The following CDH11 variants were observed in gnomAD, a reference collection of about 807,000 sequenced individuals.
The protein encoded by CDH11 is cadherin-11.
A neutral mutation model predicts 67.8 loss-of-function variants in CDH11; 11 were observed. The observed-to-expected ratio is 0.16, with a 90% CI of 0.10 to 0.27. The LOEUF (loss-of-function observed/expected upper bound fraction) is 0.27. Among genes scored for constraint, CDH11 ranks in the 10% least tolerant of loss-of-function variants. CDH11 has a pLI of 1.00. For synonymous variants in CDH11, 419 were observed against 400.0 expected (o/e 1.05, Z -0.57); for missense variants, 847 against 1,031.2 (o/e 0.82, Z 2.45).
intron 8 of CDH11, 168 bp downstream of exon 8, chr16:64,981,880 G>A: frequency 1.7e-6 from 1 of 587,064 alleles, no homozygotes; most frequent in East Asian, 2.9e-5. Flanking sequence ...AGGAACAGAG[G>A]TGAAGGGAAG....
rs3046001 is a variant in CDH11, at chr16:64,945,301, TA to T, written c.*2301del. 0.09 allele frequency: 34,600 copies of T among 384,942 alleles called. 307 individuals carry two copies. The highest frequency in any genetic ancestry group is 0.1 in the Non-Finnish European group (29,374 of 287,122). The allele number at this position is 384,942 out of a possible 1,614,324, so 23.8% of individuals were successfully genotyped here. On this transcript the variant is annotated 3_prime_UTR_variant, in exon 13 of 13. Coordinates refer to ENST00000268603, the MANE Select transcript of CDH11 (RefSeq NM_001797.4). ...AGAGGCTTAACGAAAAAATAAAAGG[TA>T]AAAAAAAAAAAAAAAAAGAAAAAGA...
At chr16:65,110,984 T>C (rs1173220816) in intron 1 of CDH11, among the ~76,000 whole-genome samples, 2 of 152,200 alleles carry the variant, frequency 1.3e-5, no homozygotes, top group African/African-American at 4.8e-5. Context: ...ATATATCATA[T>C]GGTTTAACAA....
intron 1 of CDH11, among the ~76,000 whole-genome samples, chr16:65,071,709 G>T (rs986061342): frequency 6.6e-6 from 1 of 152,148 alleles, no homozygotes; most frequent in Non-Finnish European, 1.5e-5. Flanking sequence ...CCTGACATGC[G>T]GATCAACAGT....
intron 6 of CDH11, among the ~76,000 whole-genome samples, chr16:64,990,263 C>T (rs1284080662): frequency 1.3e-5 from 2 of 152,128 alleles, no homozygotes; most frequent in Non-Finnish European, 2.9e-5. Context: ...GAGCATGCAG[C>T]TCTTTGAATG....
At chr16:65,046,920 C>T (rs961418593) in intron 2 of CDH11, among the ~76,000 whole-genome samples, 6 of 152,192 alleles carry the variant, frequency 3.9e-5, no homozygotes, top group East Asian at 3.9e-4. Context: ...CCAGCCTGGC[C>T]GATGTAGCAA....
chr16:65,066,884 C>T (rs1597152759), intron 1 of CDH11, among the ~76,000 whole-genome samples: 2 of 152,194 alleles, frequency 1.3e-5, no homozygotes, highest in East Asian at 3.9e-4. Flanking sequence ...GAGACCTGGA[C>T]TTAAAGTTTG....
intron 8 of CDH11, among the ~76,000 whole-genome samples, chr16:64,975,530 C>T (rs1238182709): frequency 6.6e-6 from 1 of 151,934 alleles, no homozygotes; most frequent in Non-Finnish European, 1.5e-5. Context: ...TGATGAAAGC[C>T]CAAGTAGGAT....
chr16:65,010,327 T>C (rs531383989), intron 2 of CDH11, among the ~76,000 whole-genome samples: 6 of 152,296 alleles, frequency 3.9e-5, no homozygotes, highest in Admixed American at 1.3e-4. Context: ...AATTCAAGCA[T>C]ATTTTATTCC....
chr16:65,042,344 G>A (rs1454406519), intron 2 of CDH11, among the ~76,000 whole-genome samples: 1 of 152,202 alleles, frequency 6.6e-6, no homozygotes, highest in African/African-American at 2.4e-5. Flanking sequence ...AATGACTACA[G>A]GGTGGGTGGA....
chr16:65,090,839 T>A (rs1382459048), intron 1 of CDH11, among the ~76,000 whole-genome samples: 1 of 152,228 alleles, frequency 6.6e-6, no homozygotes, highest in Non-Finnish European at 1.5e-5. Flanking sequence ...CAGAAACAGA[T>A]GGAAACTAGA....
chr16:65,010,971 T>TATATATATATATGTGTTTA (rs1567526784), intron 2 of CDH11, among the ~76,000 whole-genome samples: 9 of 127,928 alleles, frequency 7.0e-5, no homozygotes, highest in Non-Finnish European at 1.3e-4. Context: ...ATATATGTGT[T>TATATATATATATGTGTTTA]TATATATATA....
Position 64,954,948 on chromosome 16 carries a change from T to TAA in CDH11, c.1643-3932_1643-3931dup, listed in dbSNP as rs71143536. On this transcript the variant is annotated intron_variant, in intron 11 of 12. Transcript: ENST00000268603. ...GTAAAACCCTCTCTCTACTAAAAAA[T>TAA]AAAAAAAAAAAAAAAAGGCCAGGCA... Among the ~76,000 whole-genome samples the TAA allele has an allele frequency of 6.8e-3, 830 of 121,372 alleles. 5 individuals carry two copies. Among genetic ancestry groups the TAA allele is most frequent in the Non-Finnish European group, 9.9e-3 (541 of 54,828 alleles). The allele number at this position is 121,372 out of a possible 152,430, so 79.6% of individuals were successfully genotyped here.
At chr16:64,949,996 A>G (rs976512319) in intron 12 of CDH11, among the ~76,000 whole-genome samples, 3 of 152,182 alleles carry the variant, frequency 2.0e-5, no homozygotes, top group African/African-American at 7.2e-5. Context: ...AGGACCAAGC[A>G]TCATGGCAAA....
At chr16:65,084,300 G>A (rs1160971755) in intron 1 of CDH11, among the ~76,000 whole-genome samples, 1 of 143,038 alleles carries the variant, frequency 7.0e-6, no homozygotes, top group Admixed American at 7.1e-5. Context: ...ACCTGCCTGG[G>A]CAAACATTAG....
chr16:65,035,784 C>T (rs542397097), intron 2 of CDH11, among the ~76,000 whole-genome samples: 74 of 152,210 alleles, frequency 4.9e-4, no homozygotes, highest in South Asian at 4.8e-3. Context: ...AGAATGAAAG[C>T]ATTAAGTCAT....
intron 7 of CDH11, chr16:64,984,850 C>T (rs564799005): frequency 6.6e-6 from 1 of 152,214 alleles, no homozygotes; most frequent in East Asian, 1.9e-4. Flanking sequence ...CTGATTGCAA[C>T]CGTGTTAAAT....
intron 1 of CDH11, among the ~76,000 whole-genome samples, chr16:65,101,508 C>T (rs376575046): frequency 1.2e-4 from 19 of 152,174 alleles, no homozygotes; most frequent in East Asian, 1.2e-3. Context: ...TCCATTTATT[C>T]ATTCTTTCTT....
Position 64,943,879 on chromosome 16 carries a change from G to A in CDH11, c.*3724C>T. 4.4e-6 allele frequency: 1 copy of A among 228,744 alleles called. No individual in the cohort carries two copies. The highest frequency in any genetic ancestry group is 8.7e-6 in the Non-Finnish European group (1 of 115,286). 14.2% of individuals were successfully genotyped at this position (228,744 alleles called of 1,614,324 possible). ...CCCTCATGGAGCTTACATTCTAGTGGGGCAGTCAGTCCCACCCACCCACAC... is the reference window on the plus strand; with the variant it reads ...CCCTCATGGAGCTTACATTCTAGTGAGGCAGTCAGTCCCACCCACCCACAC... On this transcript the variant is annotated 3_prime_UTR_variant, in exon 13 of 13. Coordinates refer to ENST00000268603, the MANE Select transcript of CDH11 (RefSeq NM_001797.4).
intron 4 of CDH11, among the ~76,000 whole-genome samples, chr16:64,996,248 G>C (rs368601828): frequency 2.6e-5 from 4 of 152,152 alleles, no homozygotes; most frequent in African/African-American, 9.7e-5. Flanking sequence ...CTAGCACTTT[G>C]GGAGGACGAG....
Sources: allele counts gnomAD v4.1 joint callset (sites outside exome capture counted in the v4.1 genomes callset), GRCh38; gene constraint gnomAD v4.1.1; transcripts MANE v1.5; gene names NCBI Gene and HGNC (gene_info 2026-07-23, HGNC 2026-07-21).